The following NSUN6 variants were observed in gnomAD, a reference collection of about 807,000 sequenced individuals.
NSUN6 encodes the protein NOP2/Sun RNA methyltransferase 6, also known as tRNA (cytosine(72)-C(5))-methyltransferase NSUN6.
A neutral mutation model predicts 58.0 loss-of-function variants in NSUN6; 64 were observed. The observed-to-expected ratio is 1.10, with a 90% CI of 0.90 to 1.36. NSUN6 has a LOEUF of 1.36. Ranked by LOEUF, NSUN6 falls within the 40% of genes most tolerant of loss-of-function variation. The pLI is 0.00. For missense variants in NSUN6, 701 were observed against 550.1 expected, an observed-to-expected ratio of 1.27 and a Z score of -2.74; for synonymous variants, 231 against 193.9, an observed-to-expected ratio of 1.19 and a Z score of -1.59.
chr10:18,555,808 A>C (rs779788016), intron 8 of NSUN6, among the ~76,000 whole-genome samples: 1 of 150,838 alleles, frequency 6.6e-6, no homozygotes, highest in Non-Finnish European at 1.5e-5. Context: ...AGGAGGATGG[A>C]ATGGAATGGA....
chr10:18,655,685 C>A (rs2059769516), upstream of NSUN6, among the ~76,000 whole-genome samples: 1 of 152,188 alleles, frequency 6.6e-6, no homozygotes, highest in Non-Finnish European at 1.5e-5. Flanking sequence ...CCAGAGAAGA[C>A]AGGACCAGAA....
intron 10 of NSUN6, among the ~76,000 whole-genome samples, chr10:18,547,073 C>T (rs766738836): frequency 6.6e-6 from 1 of 151,898 alleles, no homozygotes; most frequent in Admixed American, 6.6e-5. Flanking sequence ...ACCAGTTGGG[C>T]GAGAAAAGTT....
chr10:18,570,940 C>T (rs567320993), intron 8 of NSUN6, among the ~76,000 whole-genome samples: 14 of 150,968 alleles, frequency 9.3e-5, no homozygotes, highest in African/African-American at 3.4e-4. Flanking sequence ...TTACATTCTA[C>T]ATTCCATGTT....
chr10:18,642,276 T>C (rs768607561), intron 3 of NSUN6, among the ~76,000 whole-genome samples, 200 bp downstream of exon 3: 11 of 152,120 alleles, frequency 7.2e-5, no homozygotes, highest in Non-Finnish European at 1.2e-4. Flanking sequence ...TCAAGATCCT[T>C]GGGCCCATTC....
intron 3 of NSUN6, among the ~76,000 whole-genome samples, chr10:18,633,286 A>G (rs1310013984): frequency 2.8e-5 from 4 of 142,152 alleles, no homozygotes; most frequent in Non-Finnish European, 4.6e-5. Context: ...GGGGGGAGGG[A>G]TAGCATTGGG....
chr10:18,603,980 G>C (rs1339465136), intron 6 of NSUN6, among the ~76,000 whole-genome samples: 1 of 151,892 alleles, frequency 6.6e-6, no homozygotes, highest in Non-Finnish European at 1.5e-5. Flanking sequence ...TCAAGAGATC[G>C]AGACCATCCT....
chr10:18,645,062 G>A (rs1280011197), intron 2 of NSUN6, among the ~76,000 whole-genome samples: 1 of 149,988 alleles, frequency 6.7e-6, no homozygotes, highest in African/African-American at 2.5e-5. Flanking sequence ...GGTGGCTGAG[G>A]CAGGAGAATT....
rs149828822 is a variant in NSUN6, at chr10:18,547,221, T to C, written c.1197+891A>G. 2.9e-3 allele frequency among the ~76,000 whole-genome samples: 443 copies of C among 152,316 alleles called. 4 individuals are homozygous for C. The highest frequency in any genetic ancestry group is 0.016 in the South Asian group (77 of 4,832). ...CCTAAGTCACCATCACAGACAATCA[T>C]CTGCATGTTAATGAAGATAGGTTTT... is the stretch of plus-strand genomic sequence containing the variant. On this transcript the variant is annotated intron_variant, in intron 10 of 10. Transcript: ENST00000377304.
chr10:18,632,076 A>G (rs1410849088), intron 3 of NSUN6, among the ~76,000 whole-genome samples: 1 of 150,552 alleles, frequency 6.6e-6, no homozygotes, highest in Admixed American at 6.6e-5. Context: ...AATGGAACAG[A>G]ACAGAGCCCT....
intron 7 of NSUN6, among the ~76,000 whole-genome samples, chr10:18,594,384 T>C (rs2057499840): frequency 6.6e-6 from 1 of 152,154 alleles, no homozygotes; most frequent in African/African-American, 2.4e-5. Context: ...GCAGACAATT[T>C]GTAAATATTC....
Position 18,621,344 on chromosome 10 carries a change from C to A in NSUN6, c.312-5051G>T, listed in dbSNP as rs2058599975. 2.0e-5 allele frequency among the ~76,000 whole-genome samples: 3 copies of A among 152,190 alleles called. No individual in the cohort carries two copies. In the South Asian group the frequency reaches 6.2e-4, roughly 32 times the overall value. ...TTGCTGATTGTGCTTCATATTCTTT[C>A]ACTGTAACAAATCATAGCCGTAAGT... On this transcript the variant is annotated intron_variant, in intron 3 of 10. Coordinates refer to ENST00000377304, the MANE Select transcript of NSUN6 (RefSeq NM_182543.5).
intron 8 of NSUN6, among the ~76,000 whole-genome samples, chr10:18,580,698 G>A (rs1261157511): frequency 6.6e-6 from 1 of 152,180 alleles, no homozygotes; most frequent in African/African-American, 2.4e-5. Flanking sequence ...GGCTCCAAGA[G>A]AAACAAACCA....
At chr10:18,568,082 T>C (rs2056097422) in intron 8 of NSUN6, among the ~76,000 whole-genome samples, 1 of 151,450 alleles carries the variant, frequency 6.6e-6, no homozygotes, top group African/African-American at 2.4e-5. Context: ...TCCATTCCAT[T>C]CTCTATTTCA....
upstream of NSUN6, among the ~76,000 whole-genome samples, chr10:18,657,844 C>G (rs1021685326): frequency 2.6e-5 from 4 of 152,066 alleles, no homozygotes; most frequent in African/African-American, 9.7e-5. Context: ...CATCTCTTGA[C>G]TTCGTGATCC....
chr10:18,623,117 A>T (rs959338606), intron 3 of NSUN6, among the ~76,000 whole-genome samples: 58 of 152,324 alleles, frequency 3.8e-4, no homozygotes, highest in African/African-American at 1.3e-3. Flanking sequence ...ATTTTAAGTA[A>T]ACTGAAGAAA....
In NSUN6 at chr10:18,609,955, T is replaced by C. The variant is rs765632165; in HGVS notation, c.576-29A>G. On this transcript the variant is annotated intron_variant, in intron 5 of 10. Transcript: ENST00000377304. Reference sequence around the variant, plus strand: ...AAAAATAGGAAATCTAACATTAGTCTGTATAAATTCCATGGTCTATACAAA... The same window carrying C: ...AAAAATAGGAAATCTAACATTAGTCCGTATAAATTCCATGGTCTATACAAA... 5 of 1,310,946 alleles carry C rather than the reference T, an allele frequency of 3.8e-6. No homozygotes were observed. The South Asian group carries it at 5.9e-5, about 16-fold the overall frequency. The allele number at this position is 1,310,946 out of a possible 1,614,324, so 81.2% of individuals were successfully genotyped here.
At chr10:18,589,993 G>A (rs1027379715) in intron 7 of NSUN6, among the ~76,000 whole-genome samples, 10 of 152,120 alleles carry the variant, frequency 6.6e-5, no homozygotes, top group African/African-American at 2.4e-4. Flanking sequence ...ACCCATCGGT[G>A]TGCTGTATTC....
At chr10:18,574,676 C>A (rs1442750210) in intron 8 of NSUN6, among the ~76,000 whole-genome samples, 1 of 152,110 alleles carries the variant, frequency 6.6e-6, no homozygotes, top group African/African-American at 2.4e-5. Context: ...CCAAGCCTTA[C>A]AGTACTTACA....
chr10:18,562,528 G>T (rs1440599286), intron 8 of NSUN6, among the ~76,000 whole-genome samples: 1 of 147,932 alleles, frequency 6.8e-6, no homozygotes, highest in Non-Finnish European at 1.5e-5. Flanking sequence ...GGAATAGAAT[G>T]GAATGGAGAA....
Sources: allele counts gnomAD v4.1 joint callset (sites outside exome capture counted in the v4.1 genomes callset), GRCh38; gene constraint gnomAD v4.1.1; transcripts MANE v1.5; gene names NCBI Gene and HGNC (gene_info 2026-07-23, HGNC 2026-07-21).